BIN3: variants seen among roughly 807,000 people sequenced by gnomAD.
BIN3 encodes bridging integrator 3.
Under a neutral mutation model 38.2 loss-of-function variants are expected in BIN3, and 41 were observed. The observed-to-expected ratio is 1.07, with a 90% CI of 0.84 to 1.39. BIN3 has a LOEUF of 1.39. Ranked by LOEUF, BIN3 falls within the 40% of genes most tolerant of loss-of-function variation. BIN3 has a pLI of 0.00. For synonymous variants in BIN3, 145 were observed against 122.6 expected, an observed-to-expected ratio of 1.18 and a Z score of -1.21; for missense variants, 361 against 324.3, an observed-to-expected ratio of 1.11 and a Z score of -0.87.
At chr8:22,635,837 C>T (rs12676084) in intron 4 of BIN3, among the ~76,000 whole-genome samples, 99,488 of 151,860 alleles carry the variant, frequency 0.66, 33,033 homozygotes, top group South Asian at 0.75. Flanking sequence ...TCTCTCCCGG[C>T]TGCTCGTCGC....
At chr8:22,649,280 G>A (rs981096078) in intron 1 of BIN3, among the ~76,000 whole-genome samples, 1 of 152,150 alleles carries the variant, frequency 6.6e-6, no homozygotes, top group African/African-American at 2.4e-5. Flanking sequence ...TCTGCTCCCA[G>A]GAAAACTTCT....
chr8:22,623,838 C>T (rs935779629), intron 8 of BIN3, 77 bp downstream of exon 8: 8 of 1,520,150 alleles, frequency 5.3e-6, no homozygotes, highest in Non-Finnish European at 7.1e-6. Context: ...GGCTAAGCCA[C>T]CCTTCCAGTG....
chr8:22,628,554 G>A (rs563695989), intron 6 of BIN3, among the ~76,000 whole-genome samples: 1 of 152,198 alleles, frequency 6.6e-6, no homozygotes, highest in Non-Finnish European at 1.5e-5. Flanking sequence ...CCTGGCAGGT[G>A]GTGGGCCACC....
intron 4 of BIN3, among the ~76,000 whole-genome samples, chr8:22,632,066 G>A (rs1404960649): frequency 6.6e-6 from 1 of 152,198 alleles, no homozygotes; most frequent in Non-Finnish European, 1.5e-5. Context: ...AATTTAAGAT[G>A]CTCTTCATTA....
intron 1 of BIN3, among the ~76,000 whole-genome samples, chr8:22,654,110 T>C (rs1029010445): frequency 3.3e-5 from 5 of 152,208 alleles, no homozygotes; most frequent in Admixed American, 2.0e-4. Context: ...GGGATGGCTC[T>C]TGGTTTTCTC....
intron 2 of BIN3, among the ~76,000 whole-genome samples, chr8:22,643,157 G>A (rs930385502): frequency 6.6e-6 from 1 of 152,156 alleles, no homozygotes; most frequent in Admixed American, 6.5e-5. Flanking sequence ...TTAAACTCTG[G>A]AGACTCAAAG....
chr8:22,658,039 C>T (rs1234875503), intron 1 of BIN3, among the ~76,000 whole-genome samples: 1 of 152,198 alleles, frequency 6.6e-6, no homozygotes, highest in African/African-American at 2.4e-5. Flanking sequence ...GGGCAGAGAG[C>T]CAGAGTGAAG....
rs1294448366 is a variant in BIN3, at chr8:22,630,972, G to A, written c.161-394C>T. Among the ~76,000 whole-genome samples, 3 of 152,168 alleles carry A rather than the reference G, an allele frequency of 2.0e-5. No individual in the cohort carries two copies. In the East Asian group the frequency reaches 5.8e-4, roughly 29 times the overall value. ...ACGTGATGCTTGGTTTGGGACTCCT[G>A]GATGGACAAGAATAACAGTACTCCA... On this transcript the variant is annotated intron_variant, in intron 4 of 8. Coordinates refer to ENST00000276416, the MANE Select transcript of BIN3 (RefSeq NM_018688.6).
Position 22,627,086 on chromosome 8 carries a change from C to A in BIN3, c.339-2723G>T, listed in dbSNP as rs138068542. Reference sequence around the variant, plus strand: ...CCCAGTGGGAAGAGCATGTCTTCACCATGAAAACCTCCGTTTCCCATGACA... The same window carrying A: ...CCCAGTGGGAAGAGCATGTCTTCACAATGAAAACCTCCGTTTCCCATGACA... On this transcript the variant is annotated intron_variant, in intron 6 of 8. Coordinates refer to ENST00000276416, the MANE Select transcript of BIN3 (RefSeq NM_018688.6). Among the ~76,000 whole-genome samples, 295 of 152,350 alleles carry A rather than the reference C, an allele frequency of 1.9e-3. 1 individual carries two copies. Among genetic ancestry groups the A allele is most frequent in the African/African-American group, 6.8e-3 (284 of 41,590 alleles).
At chr8:22,621,708 G>A (rs997452834) in intron 8 of BIN3, 140 bp from the exon 9 acceptor site, 3 of 854,880 alleles carry the variant, frequency 3.5e-6, no homozygotes, top group African/African-American at 3.4e-5. Flanking sequence ...GGGATATGCA[G>A]GGCACGGAAG....
chr8:22,657,101 G>C (rs567731060), intron 1 of BIN3, among the ~76,000 whole-genome samples: 1 of 152,162 alleles, frequency 6.6e-6, no homozygotes, highest in Non-Finnish European at 1.5e-5. Flanking sequence ...TAGGTTCTAG[G>C]GATATCAGGA....
chr8:22,630,995 C>G (rs1282896288), intron 4 of BIN3, among the ~76,000 whole-genome samples: 1 of 152,172 alleles, frequency 6.6e-6, no homozygotes, highest in African/African-American at 2.4e-5. Context: ...TAACAGTACT[C>G]CAGTTTACAC....
At chr8:22,655,041 A>G (rs758954180) in intron 1 of BIN3, among the ~76,000 whole-genome samples, 23 of 152,156 alleles carry the variant, frequency 1.5e-4, no homozygotes, top group Non-Finnish European at 3.1e-4. Context: ...TCTGATGTGC[A>G]TTTCTCTAAT....
At chr8:22,662,908 G>A (rs1189113504) in intron 1 of BIN3, among the ~76,000 whole-genome samples, 1 of 152,178 alleles carries the variant, frequency 6.6e-6, no homozygotes, top group Non-Finnish European at 1.5e-5. Flanking sequence ...AGGCCAAGAC[G>A]GGTGGATTAC....
At chr8:22,642,810 A>G (rs748093519) in intron 2 of BIN3, among the ~76,000 whole-genome samples, 1 of 152,170 alleles carries the variant, frequency 6.6e-6, no homozygotes, top group Admixed American at 6.5e-5. Flanking sequence ...TCCCAAACCT[A>G]GTTTCTTAAC....
Position 22,624,456 on chromosome 8 carries a change from A to T in BIN3, c.339-93T>A, listed in dbSNP as rs919578415. ...TCTTGGAGGGGTGGCCTGGCTGGAG[A>T]TGGGTCCGCTCTTGGAGGGGCGTCC... On this transcript the variant is annotated intron_variant, in intron 6 of 8. Transcript: ENST00000276416. 2.6e-6 allele frequency: 4 copies of T among 1,513,952 alleles called. No individual in the cohort carries two copies. In the Admixed American group the frequency reaches 7.7e-5, roughly 29 times the overall value. 93.8% of individuals were successfully genotyped at this position (1,513,952 alleles called of 1,614,324 possible).
intron 1 of BIN3, among the ~76,000 whole-genome samples, chr8:22,659,710 C>T (rs747401200): frequency 2.0e-5 from 3 of 152,236 alleles, no homozygotes; most frequent in Non-Finnish European, 2.9e-5. Flanking sequence ...CAAAACCTCA[C>T]TCTGCCTATT....
At chr8:22,624,744 C>T (rs563274448) in intron 6 of BIN3, 9 of 221,304 alleles carry the variant, frequency 4.1e-5, no homozygotes, top group African/African-American at 1.6e-4. Flanking sequence ...TATCACACAA[C>T]GGACTAGGGG....
chr8:22,629,196 T>C (rs951472709), intron 6 of BIN3, among the ~76,000 whole-genome samples: 15 of 152,128 alleles, frequency 9.9e-5, no homozygotes, highest in African/African-American at 3.4e-4. Flanking sequence ...CCAGTGATAA[T>C]TAGGCAGAGC....
Sources: gnomAD v4.1 joint callset for allele counts (sites outside exome capture counted in the v4.1 genomes callset) on GRCh38, gnomAD v4.1.1 for gene constraint, MANE v1.5 for transcripts, NCBI Gene and HGNC (gene_info 2026-07-23, HGNC 2026-07-21) for gene names.